NPIPB2: variants seen among roughly 807,000 people sequenced by gnomAD.
NPIPB2 encodes nuclear pore complex interacting protein family member B2, also known as nuclear pore complex-interacting protein family member B2.
Under a neutral mutation model 30.8 loss-of-function variants are expected in NPIPB2, and 27 were observed. The ratio of observed to expected loss-of-function variants is 0.88; its 90% confidence interval spans 0.65 to 1.21. NPIPB2 has a LOEUF of 1.21. Among genes scored for constraint, NPIPB2 ranks in the 50% most tolerant of loss-of-function variants. NPIPB2 has a pLI of 0.00. For synonymous variants in NPIPB2, 147 were observed against 162.0 expected (o/e 0.91, Z 0.70); for missense variants, 440 against 446.2 (o/e 0.99, Z 0.13).
chr16:11,957,925 C>A (rs1242698109), intron 1 of NPIPB2, among the ~76,000 whole-genome samples: 2 of 152,274 alleles, frequency 1.3e-5, no homozygotes, highest in Admixed American at 1.3e-4. Flanking sequence ...CCTTTTGGTT[C>A]TATTTCTCTG....
intron 5 of NPIPB2, among the ~76,000 whole-genome samples, 153 bp downstream of exon 5, chr16:11,930,297 T>C (rs969933664): frequency 5.1e-5 from 7 of 137,900 alleles, no homozygotes; most frequent in Middle Eastern, 3.5e-3. Context: ...TACTTTGTTT[T>C]CTGTTTTGTG....
rs34223679 is a variant in NPIPB2, at chr16:11,968,063, T to TC, written c.-584+8504dup. Reference sequence around the variant, plus strand: ...GGTTTCATGATTAAACTCTTTTTTTTCCTGACATCTAAGTTTTTATTAACG... The same window carrying TC: ...GGTTTCATGATTAAACTCTTTTTTTTCCCTGACATCTAAGTTTTTATTAACG... On this transcript the variant is annotated intron_variant, in intron 1 of 5. Transcript: ENST00000538896. 924 of 538,112 alleles carry TC rather than the reference T, an allele frequency of 1.7e-3. 10 individuals are homozygous for TC. Among genetic ancestry groups the TC allele is most frequent in the African/African-American group, 0.016 (829 of 52,174 alleles). The allele number at this position is 538,112 out of a possible 1,614,324, so 33.3% of individuals were successfully genotyped here.
chr16:11,963,701 A>C (rs13332630), intron 1 of NPIPB2, among the ~76,000 whole-genome samples: 9,775 of 152,228 alleles, frequency 0.064, 375 homozygotes, highest in Middle Eastern at 0.099. Flanking sequence ...TTTGACAAAC[A>C]TCTGGACGTC....
chr16:11,950,342 AT>A (rs1360489654), intron 1 of NPIPB2, among the ~76,000 whole-genome samples: 1 of 151,750 alleles, frequency 6.6e-6, no homozygotes, highest in Non-Finnish European at 1.5e-5. Flanking sequence ...AGCCTAATTA[AT>A]TTTTTTCTAA....
rs540951733 is a variant in NPIPB2, at chr16:11,937,609, C to T, written c.123G>A (p.Trp41Ter). 11 of 1,599,422 alleles carry T rather than the reference C, an allele frequency of 6.9e-6. No homozygotes were observed. Among genetic ancestry groups the T allele is most frequent in the African/African-American group, 1.3e-5 (1 of 75,010 alleles). The change falls in exon 2 of 8, where the codon TGG (tryptophan) becomes TGA (stop). Residue 41 changes from tryptophan to a stop codon, truncating the protein, a stop_gained. Transcript: ENST00000399147. LOFTEE classifies it high-confidence loss of function. ...TCGGAAATGCAATAATGATACGTAA[C>T]CAAGGACTTCCACCAAAGTCAGTCC...
intron 1 of NPIPB2, among the ~76,000 whole-genome samples, chr16:11,969,350 C>CG (rs1202838179): frequency 6.6e-6 from 1 of 151,862 alleles, no homozygotes; most frequent in Non-Finnish European, 1.5e-5. Context: ...CTCTGCCTCC[C>CG]GGGTTCAAGC....
chr16:11,934,008 G>A, intron 2 of NPIPB2, 84 bp from the exon 3 acceptor site: 2 of 1,061,002 alleles, frequency 1.9e-6, no homozygotes, highest in Admixed American at 1.9e-5. Flanking sequence ...CGAGGCAGGT[G>A]GATCACGGGG....
intron 1 of NPIPB2, among the ~76,000 whole-genome samples, chr16:11,939,589 AGGT>A (rs1342776233): frequency 7.7e-6 from 1 of 130,330 alleles, no homozygotes; most frequent in Non-Finnish European, 1.7e-5. Flanking sequence ...AAAATTACCA[AGGT>A]GGAGATCATG....
chr16:11,965,425 CTCT>C lies in NPIPB2; in HGVS notation c.-584+11140_-584+11142del, dbSNP rs749634242. ...CTTCGATGTTCTTCTAATACTCCTC[CTCT>C]AACATGTCAGCGTTATTGTAATGCA... is the stretch of plus-strand genomic sequence containing the variant. On this transcript the variant is annotated intron_variant, in intron 1 of 5. Transcript: ENST00000538896. 48 of 1,614,130 alleles carry C rather than the reference CTCT, an allele frequency of 3.0e-5. No homozygotes were observed. In the African/African-American group the frequency reaches 5.5e-4, roughly 18 times the overall value.
At position 11,974,366 on chromosome 16, in the gene NPIPB2, A is replaced by G. The variant is rs1053102113; in HGVS notation, c.-584+2202T>C. Reference sequence around the variant, plus strand: ...GATCTCTACTAAACACACAAAATACAAAAGTTAGCAGGCATGGTGGCACAC... The same window carrying G: ...GATCTCTACTAAACACACAAAATACGAAAGTTAGCAGGCATGGTGGCACAC... On this transcript the variant is annotated intron_variant, in intron 1 of 5. Coordinates refer to the NPIPB2 transcript ENST00000538896. Among the ~76,000 whole-genome samples, 16 of 152,182 alleles carry G rather than the reference A, an allele frequency of 1.1e-4. 1 individual carries two copies. Among genetic ancestry groups the G allele is most frequent in the African/African-American group, 3.4e-4 (14 of 41,530 alleles).
chr16:11,932,648 T>C (rs1355316073), intron 4 of NPIPB2, among the ~76,000 whole-genome samples: 3 of 136,402 alleles, frequency 2.2e-5, no homozygotes, highest in African/African-American at 7.9e-5. Flanking sequence ...TGGTGGCATA[T>C]GCCTGTAGTC....
intron 1 of NPIPB2, among the ~76,000 whole-genome samples, chr16:11,966,041 G>A (rs1435699232): frequency 6.6e-6 from 1 of 152,178 alleles, no homozygotes; most frequent in African/African-American, 2.4e-5. Flanking sequence ...AACTTGGGAG[G>A]TGGAGGTTGC....
chr16:11,969,299 T>A (rs1213656801), intron 1 of NPIPB2, among the ~76,000 whole-genome samples: 1 of 152,036 alleles, frequency 6.6e-6, no homozygotes, highest in East Asian at 1.9e-4. Context: ...GCTCTGTCGT[T>A]GACACGGGAG....
At chr16:11,966,603 T>C (rs1023419988) in intron 1 of NPIPB2, among the ~76,000 whole-genome samples, 1 of 152,198 alleles carries the variant, frequency 6.6e-6, no homozygotes, top group Non-Finnish European at 1.5e-5. Context: ...TAAGGCTTTC[T>C]TGGGAAACAT....
chr16:11,954,103 T>G (rs936701749), intron 1 of NPIPB2, among the ~76,000 whole-genome samples: 7 of 152,154 alleles, frequency 4.6e-5, no homozygotes, highest in Non-Finnish European at 1.0e-4. Flanking sequence ...TCCAATTTTT[T>G]TTTGCAGTTA....
intron 1 of NPIPB2, chr16:11,968,491 C>T (rs951943202): frequency 1.3e-5 from 2 of 152,050 alleles, no homozygotes; most frequent in African/African-American, 4.8e-5. Context: ...CAAAACAACA[C>T]AAACAAACAA....
chr16:11,963,758 GGGCTTAGT>G (rs2055171675), intron 1 of NPIPB2: 1 of 152,078 alleles, frequency 6.6e-6, no homozygotes, highest in African/African-American at 2.4e-5. Context: ...AATTCAAGCT[GGGCTTAGT>G]GGCTCACACC....
chr16:11,967,616 G>T (rs1484462045), intron 1 of NPIPB2: 3 of 1,614,200 alleles, frequency 1.9e-6, no homozygotes, highest in Non-Finnish European at 2.5e-6. Flanking sequence ...AAAAGAGCAG[G>T]ACTGGTGATG....
exon 4 of NPIPB2, chr16:11,933,607 T>C (rs1448847412): frequency 6.9e-7 from 1 of 1,457,714 alleles, no homozygotes; most frequent in Non-Finnish European, 9.0e-7. Flanking sequence ...AGCTCTACCT[T>C]TTGTTTCCAC....
Sources: allele counts gnomAD v4.1 joint callset (sites outside exome capture counted in the v4.1 genomes callset), GRCh38; gene constraint gnomAD v4.1.1; transcripts MANE v1.5; gene names NCBI Gene and HGNC (gene_info 2026-07-23, HGNC 2026-07-21).